TRIM5: variants seen among roughly 807,000 people sequenced by gnomAD.
TRIM5 encodes tripartite motif containing 5, also known as tripartite motif-containing protein 5.
A neutral mutation model predicts 35.6 loss-of-function variants in TRIM5; 31 were observed. That is an observed-to-expected ratio of 0.87 (90% confidence interval 0.65 to 1.18). TRIM5 has a LOEUF of 1.18. TRIM5 is among the 50% of genes most tolerant of loss of function. The pLI is 0.00. For synonymous variants in TRIM5, 243 were observed against 215.6 expected (o/e 1.13, Z -1.11); for missense variants, 609 against 591.6 (o/e 1.03, Z -0.31).
the TRIM5 span, chr11:5,610,104 C>T: frequency 6.2e-7 from 1 of 1,609,438 alleles, no homozygotes; most frequent in East Asian, 2.2e-5. Flanking sequence ...GAGGAACCCA[C>T]AGTCAGCAGT....
chr11:5,646,076 A>G, the TRIM5 span, among the ~76,000 whole-genome samples: 1 of 126,756 alleles, frequency 7.9e-6, no homozygotes, highest in Admixed American at 8.9e-5. Context: ...ATATAAATGT[A>G]TACATTTTAA....
At chr11:5,662,711 T>C (rs752043897), downstream of TRIM5, among the ~76,000 whole-genome samples, 1 of 152,256 alleles carries the variant, frequency 6.6e-6, no homozygotes, top group Non-Finnish European at 1.5e-5. Flanking sequence ...GAAAAATCTG[T>C]GATTTTTAAC....
At chr11:5,659,771 A>G (rs1382529962), downstream of TRIM5, among the ~76,000 whole-genome samples, 1 of 149,610 alleles carries the variant, frequency 6.7e-6, no homozygotes, top group Non-Finnish European at 1.5e-5. Context: ...TTTTTCAGGT[A>G]GTTAATTTGA....
chr11:5,643,490 C>A, the TRIM5 span: 2 of 1,614,002 alleles, frequency 1.2e-6, no homozygotes, highest in Admixed American at 3.3e-5. Context: ...AGTCTTTGTC[C>A]TCTGATCCCG....
the TRIM5 span, among the ~76,000 whole-genome samples, chr11:5,655,909 T>C: frequency 1.3e-5 from 2 of 152,150 alleles, no homozygotes; most frequent in Non-Finnish European, 2.9e-5. Context: ...GGGGAAAGGA[T>C]TCTCTATTTA....
the TRIM5 span, chr11:5,632,617 C>A: frequency 2.5e-6 from 4 of 1,613,270 alleles, no homozygotes; most frequent in Non-Finnish European, 3.4e-6. Flanking sequence ...GAAGAGAGAT[C>A]TCTGTGATCA....
chr11:5,676,718 G>A (rs1164676907), intron 4 of TRIM5, among the ~76,000 whole-genome samples: 1 of 146,856 alleles, frequency 6.8e-6, no homozygotes, highest in Non-Finnish European at 1.5e-5. Context: ...CAAGGCTACA[G>A]TAACCAAAAC....
the TRIM5 span, among the ~76,000 whole-genome samples, chr11:5,635,849 C>G: frequency 6.6e-6 from 1 of 152,192 alleles, no homozygotes; most frequent in Admixed American, 6.5e-5. Context: ...ATTTTACACT[C>G]ATTAGTATGG....
the TRIM5 span, among the ~76,000 whole-genome samples, chr11:5,621,313 T>G: frequency 6.6e-6 from 1 of 152,228 alleles, no homozygotes; most frequent in Non-Finnish European, 1.5e-5. Context: ...AGACAGATAC[T>G]TTACTCCTGC....
At chr11:5,662,656 A>AT (rs1274394195), downstream of TRIM5, among the ~76,000 whole-genome samples, 7 of 152,138 alleles carry the variant, frequency 4.6e-5, no homozygotes, top group South Asian at 2.1e-4. Context: ...AAGAACAAAG[A>AT]TTTTTTTTCC....
At chr11:5,648,330 C>T in the TRIM5 span, among the ~76,000 whole-genome samples, 1 of 151,880 alleles carries the variant, frequency 6.6e-6, no homozygotes, top group Non-Finnish European at 1.5e-5. Context: ...CACGGAGAAA[C>T]CCCATCTCTA....
At chr11:5,595,315 C>G in the TRIM5 span, 6 of 152,178 alleles carry the variant, frequency 3.9e-5, no homozygotes, top group Admixed American at 1.3e-4. Context: ...AGTTAGAGTT[C>G]TGAGGCTCAA....
At position 5,675,807 on chromosome 11, in the gene TRIM5, C is replaced by T. The variant is rs796144274; in HGVS notation, c.744+2397G>A. ...TGCTGGTGCGCTGCACCCACTAACT[C>T]GTCATCTAGCATTAGGTATATCTCC... On this transcript the variant is annotated intron_variant, in intron 4 of 7. Transcript: ENST00000380034. 1.3e-3 allele frequency among the ~76,000 whole-genome samples: 173 copies of T among 136,516 alleles called. 1 individual carries two copies. Among genetic ancestry groups the T allele is most frequent in the African/African-American group, 4.2e-3 (156 of 37,372 alleles). 89.6% of individuals were successfully genotyped at this position (136,516 alleles called of 152,430 possible).
chr11:5,637,222 C>T, the TRIM5 span, among the ~76,000 whole-genome samples: 2 of 152,134 alleles, frequency 1.3e-5, no homozygotes, highest in Non-Finnish European at 2.9e-5. Flanking sequence ...CCTCCACAAT[C>T]CCATCTCCTG....
chr11:5,684,324 C>A (rs59723170), intron 1 of TRIM5, among the ~76,000 whole-genome samples: 13,131 of 152,258 alleles, frequency 0.086, 763 homozygotes, highest in East Asian at 0.3. Flanking sequence ...AGAGAAGGAG[C>A]TCTCTTACTC....
chr11:5,634,943 A>G, the TRIM5 span: 1 of 1,478,144 alleles, frequency 6.8e-7, no homozygotes, highest in Non-Finnish European at 9.0e-7. Context: ...TGGTGACACT[A>G]AGGGGTTTCT....
the TRIM5 span, chr11:5,643,128 T>A: frequency 0.02 from 26,068 of 1,310,166 alleles, 586 homozygotes; most frequent in African/African-American, 0.042. Context: ...TATATATATT[T>A]TTTTTTTTCT....
the TRIM5 span, chr11:5,643,630 G>A: frequency 6.2e-7 from 1 of 1,614,010 alleles, no homozygotes; most frequent in Non-Finnish European, 8.5e-7. Context: ...TCTAAATGTT[G>A]CTTTTCTCAG....
At chr11:5,591,002 C>T in the TRIM5 span, 1 of 177,320 alleles carries the variant, frequency 5.6e-6, no homozygotes. Flanking sequence ...CAAGAACCCA[C>T]CAATTCCGGA....
Sources: allele counts gnomAD v4.1 joint callset (sites outside exome capture counted in the v4.1 genomes callset), GRCh38; gene constraint gnomAD v4.1.1; transcripts MANE v1.5; gene names NCBI Gene and HGNC (gene_info 2026-07-23, HGNC 2026-07-21).